The following PCDHA12 variants were observed in gnomAD, a reference collection of about 807,000 sequenced individuals.
The protein encoded by PCDHA12 is protocadherin alpha-12.
Under a neutral mutation model 60.0 loss-of-function variants are expected in PCDHA12, and 44 were observed. The ratio of observed to expected loss-of-function variants is 0.73; its 90% CI spans 0.58 to 0.94. PCDHA12 has a LOEUF of 0.94. Ranked by LOEUF, PCDHA12 falls within the 40% of genes least tolerant of loss-of-function variation. PCDHA12 has a pLI of 0.00. For missense variants in PCDHA12, 1,276 were observed against 1,239.7 expected (o/e 1.03, Z -0.44); for synonymous variants, 569 against 553.0 (o/e 1.03, Z -0.40).
chr5:140,997,124 C>T (rs933067358), intron 3 of PCDHA12, among the ~76,000 whole-genome samples: 2 of 152,074 alleles, frequency 1.3e-5, no homozygotes, highest in Non-Finnish European at 2.9e-5. Context: ...CCCACATACA[C>T]AATGCCCCCA....
At chr5:140,902,989 T>G (rs1350698990) in intron 1 of PCDHA12, among the ~76,000 whole-genome samples, 1 of 152,238 alleles carries the variant, frequency 6.6e-6, no homozygotes, top group East Asian at 1.9e-4. Context: ...GGTTCCATAT[T>G]TTTGCAATTG....
At chr5:140,968,519 A>C (rs1030847582) in intron 1 of PCDHA12, 1 of 1,614,008 alleles carries the variant, frequency 6.2e-7, no homozygotes, top group African/African-American at 1.3e-5. Flanking sequence ...CCCTACCTCA[A>C]CCAACTCGTC....
At chr5:141,001,216 G>A (rs938133871) in intron 3 of PCDHA12, among the ~76,000 whole-genome samples, 3 of 152,082 alleles carry the variant, frequency 2.0e-5, no homozygotes, top group African/African-American at 7.2e-5. Context: ...GCTGTATAAG[G>A]ATAGTTACAT....
chr5:140,982,687 C>T (rs2096996612), intron 3 of PCDHA12, 124 bp downstream of exon 3: 1 of 1,415,822 alleles, frequency 7.1e-7, no homozygotes, highest in Non-Finnish European at 9.3e-7. Flanking sequence ...CCCTTTTTTC[C>T]ATACATACAT....
At chr5:140,991,101 T>C (rs1281707030) in intron 3 of PCDHA12, among the ~76,000 whole-genome samples, 3 of 152,218 alleles carry the variant, frequency 2.0e-5, no homozygotes, top group African/African-American at 4.8e-5. Flanking sequence ...CTCATAAGAA[T>C]TAAGTGGCTT....
intron 1 of PCDHA12, among the ~76,000 whole-genome samples, chr5:140,915,080 G>T (rs1279074888): frequency 6.6e-6 from 1 of 151,664 alleles, no homozygotes; most frequent in Non-Finnish European, 1.5e-5. Context: ...TGAGTAGCTG[G>T]GACTATGGGC....
intron 1 of PCDHA12, among the ~76,000 whole-genome samples, chr5:140,913,152 T>G (rs2076232515): frequency 6.6e-6 from 1 of 152,178 alleles, no homozygotes; most frequent in Admixed American, 6.5e-5. Context: ...ATAGTTTGAG[T>G]AGGATTGGTA....
chr5:140,951,707 G>A (rs1162162711), intron 1 of PCDHA12, among the ~76,000 whole-genome samples: 6 of 152,076 alleles, frequency 3.9e-5, no homozygotes, highest in African/African-American at 1.4e-4. Flanking sequence ...TTTGGGCGGG[G>A]ACACAGATCC....
intron 1 of PCDHA12, among the ~76,000 whole-genome samples, chr5:140,953,471 C>T (rs554082808): frequency 3.9e-5 from 6 of 152,074 alleles, no homozygotes; most frequent in Non-Finnish European, 7.4e-5. Flanking sequence ...TTTTAACTTC[C>T]TCATGCTGTG....
Position 140,993,509 on chromosome 5 carries a change from CGGGGAGAGAG to C in PCDHA12, c.2515+10947_2515+10956del, listed in dbSNP as rs2097568307. Among the ~76,000 whole-genome samples, 3 of 143,488 alleles carry C rather than the reference CGGGGAGAGAG, an allele frequency of 2.1e-5. No homozygotes were observed. In the Admixed American group the frequency reaches 2.1e-4, roughly 10 times the overall value. 94.1% of individuals were successfully genotyped at this position (143,488 alleles called of 152,430 possible). A position where few individuals can be genotyped will look rare whatever the true frequency, so the allele number is the denominator to read the frequency against. On this transcript the variant is annotated intron_variant, in intron 3 of 3. Coordinates refer to ENST00000398631, the MANE Select transcript of PCDHA12 (RefSeq NM_018903.4). Reference sequence around the variant, plus strand: ...ACACACACACACACACACACACACACGGGGAGAGAGAGACAGAGAGAGAGAGAGATAGAGA... The same window carrying C: ...ACACACACACACACACACACACACACAGACAGAGAGAGAGAGAGATAGAGA...
chr5:140,919,115 T>G (rs2079009343), intron 1 of PCDHA12, among the ~76,000 whole-genome samples: 1 of 152,228 alleles, frequency 6.6e-6, no homozygotes, highest in Non-Finnish European at 1.5e-5. Context: ...TTCTGCCAGT[T>G]TTTGCTTCAT....
intron 1 of PCDHA12, among the ~76,000 whole-genome samples, chr5:140,908,224 C>T (rs2073867832): frequency 6.6e-6 from 1 of 152,160 alleles, no homozygotes; most frequent in Admixed American, 6.5e-5. Flanking sequence ...GTGAACCAGT[C>T]CTTAGTCTTC....
intron 1 of PCDHA12, among the ~76,000 whole-genome samples, chr5:140,920,608 G>A (rs2153558027): frequency 6.6e-6 from 1 of 152,286 alleles, no homozygotes; most frequent in Non-Finnish European, 1.5e-5. Flanking sequence ...CACTTTGGGA[G>A]GCCGAGGCGG....
chr5:140,911,378 C>T lies in PCDHA12; in HGVS notation c.2367+33539C>T, dbSNP rs184939316. On this transcript the variant is annotated intron_variant, in intron 1 of 3. Transcript: ENST00000398631. ...ACAGTAGACACCTGGCAAGGCTGTG[C>T]ATGCACCTTTCATTGCAGGTCAGCC... Among the ~76,000 whole-genome samples the T allele has an allele frequency of 8.0e-3, 1,215 of 152,282 alleles. 6 individuals carry two copies. The highest frequency in any genetic ancestry group is 0.019 in the African/African-American group (783 of 41,542).
intron 1 of PCDHA12, among the ~76,000 whole-genome samples, chr5:140,930,742 A>G (rs2087064675): frequency 6.6e-6 from 1 of 152,216 alleles, no homozygotes; most frequent in Non-Finnish European, 1.5e-5. Context: ...AATAAAATAA[A>G]TTTACATATG....
At chr5:140,932,415 T>C (rs1183410119) in intron 1 of PCDHA12, among the ~76,000 whole-genome samples, 2 of 151,922 alleles carry the variant, frequency 1.3e-5, no homozygotes, top group African/African-American at 4.8e-5. Context: ...GTTATATTAG[T>C]GTATTGTTCA....
At chr5:140,970,243 T>C (rs1554232347) in intron 1 of PCDHA12, among the ~76,000 whole-genome samples, 1 of 152,252 alleles carries the variant, frequency 6.6e-6, no homozygotes, top group Non-Finnish European at 1.5e-5. Flanking sequence ...TGATTTTCTG[T>C]TGACAGTTTC....
intron 3 of PCDHA12, among the ~76,000 whole-genome samples, chr5:141,006,275 G>C (rs782763386): frequency 6.6e-6 from 1 of 151,772 alleles, no homozygotes; most frequent in Non-Finnish European, 1.5e-5. Flanking sequence ...GCAGTGGCAC[G>C]ATCTCAGCTC....
At chr5:140,989,321 C>A (rs898791820) in intron 3 of PCDHA12, among the ~76,000 whole-genome samples, 6 of 152,178 alleles carry the variant, frequency 3.9e-5, no homozygotes, top group Non-Finnish European at 7.3e-5. Flanking sequence ...GTCTCACCAA[C>A]TTTGCCACCT....
Sources: allele counts gnomAD v4.1 joint callset (sites outside exome capture counted in the v4.1 genomes callset), GRCh38; gene constraint gnomAD v4.1.1; transcripts MANE v1.5; gene names NCBI Gene and HGNC (gene_info 2026-07-23, HGNC 2026-07-21).